Variants in MYO9A observed in about 807,000 individuals in gnomAD.
MYO9A encodes myosin IXA.
A neutral mutation model predicts 293.3 loss-of-function variants in MYO9A; 103 were observed. That is an observed-to-expected ratio of 0.35 (90% CI 0.30 to 0.41). MYO9A has a LOEUF of 0.41. Ranked by LOEUF, MYO9A falls within the 10% of genes least tolerant of loss-of-function variation. MYO9A has a pLI of 1.00. For missense variants in MYO9A, 2,685 were observed against 3,033.0 expected, an observed-to-expected ratio of 0.89 and a Z score of 2.69; for synonymous variants, 1,001 against 1,035.7, an observed-to-expected ratio of 0.97 and a Z score of 0.64.
chr15:71,835,646 A>C (rs2054909855), intron 39 of MYO9A, among the ~76,000 whole-genome samples: 1 of 152,178 alleles, frequency 6.6e-6, no homozygotes, highest in African/African-American at 2.4e-5. Context: ...ATGAAGAGAT[A>C]TATCATGTTC....
At chr15:72,056,807 C>T (rs2078732287) in intron 1 of MYO9A, among the ~76,000 whole-genome samples, 1 of 152,154 alleles carries the variant, frequency 6.6e-6, no homozygotes, top group Non-Finnish European at 1.5e-5. Context: ...AAAACTCCGT[C>T]TCTACTAAAA....
chr15:71,851,106 T>C (rs1029423630), intron 37 of MYO9A, 147 bp downstream of exon 37: 4 of 631,810 alleles, frequency 6.3e-6, no homozygotes, highest in Middle Eastern at 4.4e-4. Context: ...TGCTCCAAGG[T>C]ATCCTAACCA....
chr15:72,029,492 T>C (rs2077794246), intron 3 of MYO9A, among the ~76,000 whole-genome samples: 1 of 152,098 alleles, frequency 6.6e-6, no homozygotes, highest in African/African-American at 2.4e-5. Context: ...CATTTAAACA[T>C]AGAAAAAGTA....
At chr15:72,035,407 G>C (rs1015571209) in intron 2 of MYO9A, among the ~76,000 whole-genome samples, 3 of 152,126 alleles carry the variant, frequency 2.0e-5, no homozygotes, top group Non-Finnish European at 4.4e-5. Context: ...AACAAACTGT[G>C]ATTCATCTAA....
At chr15:71,884,976 T>TAA (rs538847474) in intron 27 of MYO9A, among the ~76,000 whole-genome samples, 59 of 139,454 alleles carry the variant, frequency 4.2e-4, no homozygotes, top group African/African-American at 1.4e-3. Flanking sequence ...TTTTTTTTTT[T>TAA]AAAAAAAAGC....
chr15:72,080,858 C>G (rs2079523757), intron 1 of MYO9A, among the ~76,000 whole-genome samples: 1 of 152,090 alleles, frequency 6.6e-6, no homozygotes. Context: ...ATAATGGCCT[C>G]CAGCTTCATC....
chr15:71,962,814 T>A (rs2075778006), intron 13 of MYO9A, among the ~76,000 whole-genome samples: 1 of 152,144 alleles, frequency 6.6e-6, no homozygotes, highest in African/African-American at 2.4e-5. Flanking sequence ...CCTAAAAACC[T>A]AGGATTCTTT....
chr15:71,898,710 T>C lies in MYO9A; in HGVS notation c.3793A>G (p.Lys1265Glu), dbSNP rs1210480476. 6.2e-7 allele frequency: 1 copy of C among 1,614,030 alleles called. No individual in the cohort carries two copies. The highest frequency in any genetic ancestry group is 8.5e-7 in the Non-Finnish European group (1 of 1,179,982). Reference protein sequence around the residue: ...RPRSLEDLHQKKVGRAKRESR... With the variant: ...RPRSLEDLHQEKVGRAKRESR... ...TCTCTCTTAGCCCGGCCTACTTTTT[T>C]CTGATGGAGATCCTCCAAGGATCTG... The change falls in exon 25 of 42, where the codon AAA becomes GAA. Residue 1265 changes from lysine (K) to glutamate (E), a missense_variant. This residue lies in a region of MYO9A where 1,434 missense variants were observed against 1,497.7 expected (regional missense o/e 0.96). Transcript: ENST00000356056.
At position 71,901,234 on chromosome 15, in the gene MYO9A, C is replaced by T. The variant is rs1179203403; in HGVS notation, c.3107G>A (p.Arg1036Lys). Residue 1036 changes from arginine (R) to lysine (K), a missense_variant, in exon 23 of 42, where the codon AGG (arginine) becomes AAG (lysine). Coordinates refer to ENST00000356056, the MANE Select transcript of MYO9A (RefSeq NM_006901.4). ...TTGTCTCAGATGGAGGAAATGCTGC[C>T]TACACAGCAAGACCCTGAACCATCG... Reference protein sequence around the residue: ...LQRWFRVLLCRQHFLHLRQAS... With the variant: ...LQRWFRVLLCKQHFLHLRQAS... 1.2e-6 allele frequency: 2 copies of T among 1,613,528 alleles called. No homozygotes were observed. The highest frequency in any genetic ancestry group is 2.2e-5 in the East Asian group (1 of 44,828).
intron 26 of MYO9A, chr15:71,893,041 G>C (rs1256549977): frequency 1.6e-6 from 2 of 1,289,834 alleles, no homozygotes; most frequent in South Asian, 1.2e-5. Context: ...TTGGTCAAGG[G>C]AGAGAAGGGG....
At chr15:72,024,480 T>C (rs2077603118) in intron 4 of MYO9A, among the ~76,000 whole-genome samples, 1 of 152,140 alleles carries the variant, frequency 6.6e-6, no homozygotes, top group Admixed American at 6.5e-5. Flanking sequence ...CCATGTTGTC[T>C]AGGCTGGTCT....
chr15:71,965,096 A>G (rs902897006), intron 13 of MYO9A, among the ~76,000 whole-genome samples: 3 of 151,796 alleles, frequency 2.0e-5, no homozygotes, highest in African/African-American at 7.2e-5. Context: ...ATTAATGTTC[A>G]GTATAAAATA....
intron 1 of MYO9A, among the ~76,000 whole-genome samples, chr15:72,102,016 G>T (rs1363161257): frequency 1.3e-5 from 2 of 151,146 alleles, no homozygotes; most frequent in Admixed American, 6.6e-5. Context: ...GAACGGGCCA[G>T]GATGACAATG....
In MYO9A at chr15:71,850,183, A is replaced by T; in HGVS notation, c.6582-16T>A. On this transcript the variant is annotated splice_polypyrimidine_tract_variant and intron_variant, in intron 37 of 41. Coordinates refer to ENST00000356056, the MANE Select transcript of MYO9A (RefSeq NM_006901.4). The stretch of plus-strand genomic sequence containing the variant: ...CAGAGCAATCCTAAGAATTAAAACA[A>T]AACAAAAAACAAATGAGTAAGGGAT... 1 of 1,613,610 alleles carries T rather than the reference A, an allele frequency of 6.2e-7. No individual in the cohort carries two copies. The highest frequency in any genetic ancestry group is 8.5e-7 in the Non-Finnish European group (1 of 1,179,556).
At chr15:72,033,266 A>C (rs1175592049) in intron 2 of MYO9A, among the ~76,000 whole-genome samples, 3 of 152,326 alleles carry the variant, frequency 2.0e-5, no homozygotes, top group Middle Eastern at 3.4e-3. Context: ...CTTTTTAAAA[A>C]ATTTGCTAAA....
chr15:71,846,302 T>C (rs553570255), intron 39 of MYO9A, among the ~76,000 whole-genome samples: 1 of 152,240 alleles, frequency 6.6e-6, no homozygotes, highest in East Asian at 1.9e-4. Flanking sequence ...AACACCAAGA[T>C]ATCATACAGA....
intron 19 of MYO9A, among the ~76,000 whole-genome samples, chr15:71,913,017 T>G (rs1190799630): frequency 6.6e-6 from 1 of 152,124 alleles, no homozygotes; most frequent in Admixed American, 6.5e-5. Context: ...GTAGTTTTTT[T>G]TTTTTCCATC....
intron 32 of MYO9A, among the ~76,000 whole-genome samples, chr15:71,875,500 A>G (rs988792523): frequency 1.3e-5 from 2 of 152,174 alleles, no homozygotes; most frequent in African/African-American, 4.8e-5. Context: ...TTTAGAAGGG[A>G]GAGAAAACTC....
At chr15:72,034,264 C>A (rs915178486) in intron 2 of MYO9A, among the ~76,000 whole-genome samples, 1 of 152,158 alleles carries the variant, frequency 6.6e-6, no homozygotes, top group South Asian at 2.1e-4. Context: ...AGGATAAGGT[C>A]CAGCAATCTG....
Sources: allele counts gnomAD v4.1 joint callset (sites outside exome capture counted in the v4.1 genomes callset), GRCh38; gene constraint gnomAD v4.1.1; regional missense constraint gnomAD v4.1.1; transcripts MANE v1.5; gene names NCBI Gene and HGNC (gene_info 2026-07-23, HGNC 2026-07-21).